Variants in PDZRN3 observed in about 807,000 individuals in gnomAD.
PDZRN3 encodes the protein PDZ domain containing ring finger 3.
In PDZRN3, 38 loss-of-function variants were observed where a neutral mutation model predicts 85.7. The observed-to-expected ratio is 0.44, with a 90% confidence interval of 0.34 to 0.58. PDZRN3 has a LOEUF of 0.58. Ranked by LOEUF, PDZRN3 falls within the 20% of genes least tolerant of loss-of-function variation. The pLI, the probability that PDZRN3 is intolerant of heterozygous loss-of-function variation, is 0.01. For missense variants in PDZRN3, 1,629 were observed against 1,506.4 expected, an observed-to-expected ratio of 1.08 and a Z score of -1.35; for synonymous variants, 759 against 638.0, an observed-to-expected ratio of 1.19 and a Z score of -2.86.
intron 3 of PDZRN3, among the ~76,000 whole-genome samples, chr3:73,490,899 A>G (rs1375497724): frequency 6.6e-6 from 1 of 152,230 alleles, no homozygotes; most frequent in Non-Finnish European, 1.5e-5. Context: ...CTGGCCAGAG[A>G]TAAGTGCAGG....
At chr3:73,576,539 T>C (rs541866464) in intron 3 of PDZRN3, among the ~76,000 whole-genome samples, 1 of 152,236 alleles carries the variant, frequency 6.6e-6, no homozygotes, top group South Asian at 2.1e-4. Context: ...ATATAAAAGG[T>C]AGAGAAACAA....
chr3:73,466,994 G>T (rs1345741013), intron 3 of PDZRN3, among the ~76,000 whole-genome samples: 1 of 152,092 alleles, frequency 6.6e-6, no homozygotes, highest in East Asian at 1.9e-4. Context: ...GGGTCCCCAG[G>T]AATTTATCCT....
intron 3 of PDZRN3, among the ~76,000 whole-genome samples, chr3:73,475,978 T>G (rs913912016): frequency 3.9e-5 from 6 of 152,202 alleles, no homozygotes; most frequent in African/African-American, 7.2e-5. Context: ...TGGCAAATCC[T>G]TAATTTCAGG....
chr3:73,534,445 C>T (rs565948796), intron 3 of PDZRN3, among the ~76,000 whole-genome samples: 36 of 152,312 alleles, frequency 2.4e-4, no homozygotes, highest in African/African-American at 8.7e-4. Flanking sequence ...AATTTTACAG[C>T]TAGTGCATCT....
chr3:73,400,921 CCTCCAG>C lies in PDZRN3; in HGVS notation c.1249_1254del (p.Leu417_Glu418del), dbSNP rs776065696. ...AAATGAGACAAGGATGTTCTTCATACCTCCAGCTCCAGCTCCTCCCTGTCCATCTCC... is the reference window on the plus strand; with the variant it reads ...AAATGAGACAAGGATGTTCTTCATACCTCCAGCTCCTCCCTGTCCATCTCC... On this transcript the variant is annotated inframe_deletion and splice_region_variant, in exon 5 of 10. Transcript: ENST00000263666. 1.2e-5 allele frequency: 19 copies of C among 1,602,354 alleles called. No individual in the cohort carries two copies. The highest frequency in any genetic ancestry group is 1.1e-4 in the East Asian group (5 of 44,844).
rs1256388270 is a variant in PDZRN3 at position 73,390,161 on chromosome 3, A to C, written c.1354-283T>G. 2.0e-5 allele frequency among the ~76,000 whole-genome samples: 3 copies of C among 152,246 alleles called. No homozygotes were observed. In the East Asian group the frequency reaches 5.8e-4, roughly 29 times the overall value. On this transcript the variant is annotated intron_variant, in intron 6 of 9. Coordinates refer to ENST00000263666, the MANE Select transcript of PDZRN3 (RefSeq NM_015009.3). ...AGGAGGCACAGCTGACTTTTGTTGC[A>C]TGCATGGTAATTAAAATCAAATCAA...
At chr3:73,477,558 C>T (rs1394682030) in intron 3 of PDZRN3, among the ~76,000 whole-genome samples, 2 of 152,150 alleles carry the variant, frequency 1.3e-5, no homozygotes, top group Non-Finnish European at 2.9e-5. Context: ...AAAATGTTCT[C>T]CAACATTCAA....
At chr3:73,428,174 A>C (rs1702355996) in intron 3 of PDZRN3, among the ~76,000 whole-genome samples, 1 of 152,166 alleles carries the variant, frequency 6.6e-6, no homozygotes, top group Non-Finnish European at 1.5e-5. Context: ...TGTGAGCCAC[A>C]GTTAATTCAC....
chr3:73,456,861 T>C (rs75514512), intron 3 of PDZRN3, among the ~76,000 whole-genome samples: 6,350 of 152,122 alleles, frequency 0.042, 153 homozygotes, highest in Middle Eastern at 0.13. Context: ...AAATAATATA[T>C]AAAGAACTTG....
At chr3:73,590,071 C>A (rs541879623) in intron 3 of PDZRN3, among the ~76,000 whole-genome samples, 3 of 151,780 alleles carry the variant, frequency 2.0e-5, no homozygotes, top group Non-Finnish European at 4.4e-5. Flanking sequence ...AAGTTCAAGA[C>A]CCTCCTGGAA....
intron 3 of PDZRN3, among the ~76,000 whole-genome samples, chr3:73,591,250 C>G (rs1169798200): frequency 1.3e-5 from 2 of 152,086 alleles, no homozygotes; most frequent in Non-Finnish European, 2.9e-5. Context: ...ATTATAAAAA[C>G]AGAAATCTTA....
intron 3 of PDZRN3, among the ~76,000 whole-genome samples, chr3:73,409,348 T>C (rs1009905151): frequency 1.3e-5 from 2 of 152,206 alleles, no homozygotes; most frequent in Non-Finnish European, 2.9e-5. Flanking sequence ...GAGGTACTTG[T>C]AGCTGTCTTT....
chr3:73,528,214 C>G (rs1356520377), intron 3 of PDZRN3, among the ~76,000 whole-genome samples: 5 of 152,180 alleles, frequency 3.3e-5, no homozygotes, highest in African/African-American at 7.2e-5. Context: ...GAGCAGCTGG[C>G]TTTAAAAACC....
At chr3:73,503,758 G>A (rs1372440533) in intron 3 of PDZRN3, among the ~76,000 whole-genome samples, 1 of 152,136 alleles carries the variant, frequency 6.6e-6, no homozygotes, top group Non-Finnish European at 1.5e-5. Context: ...CTTGGTAAAA[G>A]CTTTGAACTT....
intron 3 of PDZRN3, among the ~76,000 whole-genome samples, chr3:73,525,937 T>C (rs1704511968): frequency 6.6e-6 from 1 of 152,230 alleles, no homozygotes; most frequent in Admixed American, 6.5e-5. Flanking sequence ...GTGAGCTTCC[T>C]GAGGGCAGGG....
At chr3:73,475,345 T>C (rs11915881) in intron 3 of PDZRN3, among the ~76,000 whole-genome samples, 8,136 of 152,300 alleles carry the variant, frequency 0.053, 242 homozygotes, top group Middle Eastern at 0.13. Context: ...TTTGTTCATC[T>C]GTGAATTGAG....
intron 3 of PDZRN3, among the ~76,000 whole-genome samples, chr3:73,535,318 T>C (rs1704756388): frequency 6.6e-6 from 1 of 152,228 alleles, no homozygotes; most frequent in Admixed American, 6.5e-5. Context: ...GACAATCACT[T>C]TGTGATGATC....
intron 3 of PDZRN3, among the ~76,000 whole-genome samples, chr3:73,551,869 T>C (rs1424302812): frequency 1.3e-5 from 2 of 152,136 alleles, no homozygotes; most frequent in Admixed American, 6.5e-5. Context: ...TTATTTTTCA[T>C]AGCAACACAA....
chr3:73,505,019 T>G (rs999509551), intron 3 of PDZRN3, among the ~76,000 whole-genome samples: 86 of 152,214 alleles, frequency 5.6e-4, no homozygotes, highest in African/African-American at 2.0e-3. Flanking sequence ...CAAGTGCCCT[T>G]GGCTCTTTGG....
Sources: gnomAD v4.1 joint callset for allele counts (sites outside exome capture counted in the v4.1 genomes callset) on GRCh38, gnomAD v4.1.1 for gene constraint, MANE v1.5 for transcripts, NCBI Gene and HGNC (gene_info 2026-07-23, HGNC 2026-07-21) for gene names.